NRG3: variants seen among roughly 807,000 people sequenced by gnomAD.
NRG3 encodes neuregulin 3.
Under a neutral mutation model 66.9 loss-of-function variants are expected in NRG3, and 31 were observed. That is an observed-to-expected ratio of 0.46 (90% confidence interval 0.35 to 0.63). The LOEUF (loss-of-function observed/expected upper bound fraction) is 0.63, where lower values mean the gene tolerates loss of function less well. Among genes scored for constraint, NRG3 ranks in the 20% least tolerant of loss-of-function variants. The pLI is 0.00. For synonymous variants in NRG3, 393 were observed against 359.4 expected, an observed-to-expected ratio of 1.09 and a Z score of -1.06; for missense variants, 910 against 878.9, an observed-to-expected ratio of 1.04 and a Z score of -0.45.
intron 2 of NRG3, among the ~76,000 whole-genome samples, chr10:82,446,196 T>A (rs774396845): frequency 6.6e-6 from 1 of 152,230 alleles, no homozygotes; most frequent in Non-Finnish European, 1.5e-5. Context: ...TGCTTTGGCA[T>A]CTTTCTCACA....
chr10:82,131,093 T>C (rs1351314999), intron 1 of NRG3, among the ~76,000 whole-genome samples: 1 of 152,178 alleles, frequency 6.6e-6, no homozygotes, highest in Admixed American at 6.5e-5. Context: ...GTGCTTGTGG[T>C]GTATTACTCA....
intron 2 of NRG3, among the ~76,000 whole-genome samples, chr10:82,551,591 T>G (rs953085274): frequency 7.1e-5 from 10 of 141,246 alleles, no homozygotes; most frequent in Non-Finnish European, 1.3e-4. Context: ...GTTTTTATTT[T>G]TATTTTAAAA....
chr10:82,628,912 G>C (rs1359631542), intron 2 of NRG3, among the ~76,000 whole-genome samples: 4 of 152,164 alleles, frequency 2.6e-5, no homozygotes, highest in Admixed American at 2.6e-4. Flanking sequence ...GTCACAGAGT[G>C]TATTGGAAAA....
At chr10:82,875,982 A>G (rs1841785429) in intron 4 of NRG3, among the ~76,000 whole-genome samples, 1 of 152,334 alleles carries the variant, frequency 6.6e-6, no homozygotes, top group Non-Finnish European at 1.5e-5. Flanking sequence ...TTTGAAAATG[A>G]TACAACCAAA....
At chr10:81,969,646 G>C (rs2059853780) in intron 1 of NRG3, among the ~76,000 whole-genome samples, 1 of 152,214 alleles carries the variant, frequency 6.6e-6, no homozygotes, top group Non-Finnish European at 1.5e-5. Context: ...TTCACCTGGT[G>C]CTGATAATTC....
chr10:82,407,582 G>A (rs1047985322), intron 2 of NRG3, among the ~76,000 whole-genome samples: 3 of 152,150 alleles, frequency 2.0e-5, no homozygotes, highest in Non-Finnish European at 2.9e-5. Context: ...ATGCCTTACT[G>A]TGCTTAGTTT....
At chr10:82,724,595 G>C (rs529742638) in intron 2 of NRG3, among the ~76,000 whole-genome samples, 1 of 152,140 alleles carries the variant, frequency 6.6e-6, no homozygotes, top group African/African-American at 2.4e-5. Context: ...TATGATTCAG[G>C]CATGTGAGCT....
At chr10:82,693,447 A>C (rs1230209188) in intron 2 of NRG3, among the ~76,000 whole-genome samples, 1 of 152,190 alleles carries the variant, frequency 6.6e-6, no homozygotes, top group African/African-American at 2.4e-5. Context: ...CTACCTGAAG[A>C]GCACTGGCAC....
intron 2 of NRG3, among the ~76,000 whole-genome samples, chr10:82,738,168 T>C (rs1382683002): frequency 1.3e-5 from 2 of 152,160 alleles, no homozygotes; most frequent in Non-Finnish European, 2.9e-5. Context: ...ATAGATCCAT[T>C]ATATTTCAAA....
intron 2 of NRG3, among the ~76,000 whole-genome samples, chr10:82,594,490 T>A (rs1160934539): frequency 6.6e-6 from 1 of 152,196 alleles, no homozygotes; most frequent in Non-Finnish European, 1.5e-5. Context: ...TAAGCACTGC[T>A]AAGATGAACC....
chr10:82,055,545 G>A (rs1027468923), intron 1 of NRG3, among the ~76,000 whole-genome samples: 6 of 151,886 alleles, frequency 4.0e-5, no homozygotes, highest in Non-Finnish European at 7.4e-5. Context: ...ACTGACTGGA[G>A]TGAGGTAAAG....
intron 1 of NRG3, among the ~76,000 whole-genome samples, chr10:82,256,695 A>G (rs956403090): frequency 1.3e-5 from 2 of 152,154 alleles, no homozygotes; most frequent in African/African-American, 4.8e-5. Context: ...GATGTCTTCT[A>G]TTTCTATCTT....
intron 1 of NRG3, among the ~76,000 whole-genome samples, chr10:82,127,241 G>A (rs2068505680): frequency 6.6e-6 from 1 of 152,094 alleles, no homozygotes; most frequent in South Asian, 2.1e-4. Context: ...AAGTGATGGG[G>A]CTGGGGGAGT....
At chr10:82,021,838 T>A (rs1205022809) in intron 1 of NRG3, among the ~76,000 whole-genome samples, 1 of 148,116 alleles carries the variant, frequency 6.8e-6, no homozygotes, top group East Asian at 2.0e-4. Context: ...GTGTGTGTCT[T>A]GATTTAGGGT....
intron 1 of NRG3, among the ~76,000 whole-genome samples, chr10:82,243,931 G>A (rs17099655): frequency 0.13 from 20,302 of 152,128 alleles, 1,433 homozygotes; most frequent in Non-Finnish European, 0.15. Context: ...TGCTTGAGGT[G>A]AAGATCTGTC....
chr10:82,489,542 A>G (rs1842935297), intron 2 of NRG3, among the ~76,000 whole-genome samples: 1 of 152,128 alleles, frequency 6.6e-6, no homozygotes, highest in Admixed American at 6.5e-5. Flanking sequence ...AGCCAAATAA[A>G]TGGTCATAGT....
intron 1 of NRG3, among the ~76,000 whole-genome samples, chr10:82,159,704 A>T: frequency 6.6e-6 from 1 of 151,950 alleles, no homozygotes; most frequent in East Asian, 1.9e-4. Flanking sequence ...CCTGGAACAT[A>T]GTAGGTGCTC....
chr10:82,731,719 G>A (rs2057917039), intron 2 of NRG3, among the ~76,000 whole-genome samples: 1 of 152,162 alleles, frequency 6.6e-6, no homozygotes, highest in South Asian at 2.1e-4. Flanking sequence ...ATTGTGAATA[G>A]TGTTGATATA....
intron 1 of NRG3, among the ~76,000 whole-genome samples, chr10:82,127,498 C>T (rs935857732): frequency 6.6e-6 from 1 of 152,058 alleles, no homozygotes; most frequent in Non-Finnish European, 1.5e-5. Flanking sequence ...CTCTCTCTCT[C>T]TTATCCATAC....
Sources: allele counts gnomAD v4.1 joint callset (sites outside exome capture counted in the v4.1 genomes callset), GRCh38; gene constraint gnomAD v4.1.1; transcripts MANE v1.5; gene names NCBI Gene and HGNC (gene_info 2026-07-23, HGNC 2026-07-21).